Variants in PRKCH observed in about 807,000 individuals in gnomAD.
PRKCH encodes the protein protein kinase C eta, also known as protein kinase C eta type.
Under a neutral mutation model 82.5 loss-of-function variants are expected in PRKCH, and 28 were observed. That is an observed-to-expected ratio of 0.34 (90% CI 0.25 to 0.47). PRKCH has a LOEUF of 0.47. PRKCH is among the 20% of genes least tolerant of loss of function. The pLI, the probability that PRKCH is intolerant of heterozygous loss-of-function variation, is 1.00. For synonymous variants in PRKCH, 322 were observed against 327.4 expected (o/e 0.98, Z 0.18); for missense variants, 705 against 881.8 (o/e 0.80, Z 2.54).
chr14:61,437,308 G>A (rs1883725785), intron 2 of PRKCH, among the ~76,000 whole-genome samples: 1 of 152,112 alleles, frequency 6.6e-6, no homozygotes, highest in Non-Finnish European at 1.5e-5. Context: ...GCAAAATTCT[G>A]TTGCTACCTT....
At chr14:61,461,279 A>G (rs1007885416) in intron 9 of PRKCH, among the ~76,000 whole-genome samples, 4 of 152,162 alleles carry the variant, frequency 2.6e-5, no homozygotes, top group South Asian at 2.1e-4. Flanking sequence ...CACTTTGCCA[A>G]CGTAAAGCCC....
At position 61,365,401 on chromosome 14, in the gene PRKCH, A is replaced by G. The variant is rs531024255; in HGVS notation, c.364-25824A>G. ...TTTACACTTTTCAAAGTCATTTCAT[A>G]ATGTTTGCTATTCAGTTTAGTTTAG... On this transcript the variant is annotated intron_variant, in intron 1 of 13. Transcript: ENST00000332981. 1.7e-3 allele frequency among the ~76,000 whole-genome samples: 263 copies of G among 152,220 alleles called. 3 individuals are homozygous for G. The highest frequency in any genetic ancestry group is 3.4e-3 in the Middle Eastern group (1 of 294).
At chr14:61,350,198 C>A (rs2046052852) in intron 1 of PRKCH, among the ~76,000 whole-genome samples, 1 of 152,150 alleles carries the variant, frequency 6.6e-6, no homozygotes, top group Non-Finnish European at 1.5e-5. Flanking sequence ...CTCCACGTCT[C>A]CTCCCCTCTC....
intron 1 of PRKCH, among the ~76,000 whole-genome samples, chr14:61,274,293 G>T (rs2140087832): frequency 6.6e-6 from 1 of 152,218 alleles, no homozygotes; most frequent in East Asian, 1.9e-4. Context: ...TGGGGTGTTG[G>T]AGGAAAAGTG....
intron 1 of PRKCH, among the ~76,000 whole-genome samples, chr14:61,333,054 G>A (rs11844104): frequency 0.022 from 3,324 of 152,276 alleles, 135 homozygotes; most frequent in African/African-American, 0.076. Flanking sequence ...TTTGGGAAGC[G>A]CACCCAAAAG....
At chr14:61,509,487 CT>C (rs59975736) in intron 10 of PRKCH, among the ~76,000 whole-genome samples, 4,882 of 152,178 alleles carry the variant, frequency 0.032, 257 homozygotes, top group African/African-American at 0.11. Context: ...AGGATTTAGT[CT>C]ACTGGGAATT....
At chr14:61,198,484 G>T (rs1265400033) in intron 1 of PRKCH, among the ~76,000 whole-genome samples, 1 of 152,064 alleles carries the variant, frequency 6.6e-6, no homozygotes, top group African/African-American at 2.4e-5. Context: ...TCCCCTAAGT[G>T]GAATTATTGA....
At chr14:61,459,542 A>G (rs537302200) in intron 9 of PRKCH, among the ~76,000 whole-genome samples, 21 of 152,336 alleles carry the variant, frequency 1.4e-4, no homozygotes, top group African/African-American at 5.1e-4. Flanking sequence ...GGCTGTGTTA[A>G]GGGGTTTGGG....
chr14:61,202,051 A>G (rs2044485776), intron 1 of PRKCH, among the ~76,000 whole-genome samples: 1 of 152,212 alleles, frequency 6.6e-6, no homozygotes, highest in Admixed American at 6.5e-5. Context: ...ATCTACATCT[A>G]GGTTTCCATC....
chr14:61,472,730 A>G (rs911176062), intron 9 of PRKCH, among the ~76,000 whole-genome samples: 1 of 152,240 alleles, frequency 6.6e-6, no homozygotes, highest in Non-Finnish European at 1.5e-5. Flanking sequence ...AAAACAACAA[A>G]ACAAAAAGTA....
intron 1 of PRKCH, among the ~76,000 whole-genome samples, chr14:61,273,169 A>G (rs148195385): frequency 4.6e-5 from 7 of 152,210 alleles, no homozygotes; most frequent in Non-Finnish European, 8.8e-5. Context: ...GACTAAACAT[A>G]ATTCATTCAT....
chr14:61,352,700 A>AAGAAAGAG (rs2140150840), intron 1 of PRKCH, among the ~76,000 whole-genome samples: 1 of 134,514 alleles, frequency 7.4e-6, no homozygotes, highest in East Asian at 2.7e-4. Flanking sequence ...GAAAGAAAGA[A>AAGAAAGAG]AGAAAGAAAG....
chr14:61,452,531 G>A (rs989772490), intron 6 of PRKCH, among the ~76,000 whole-genome samples: 6 of 152,158 alleles, frequency 3.9e-5, no homozygotes, highest in African/African-American at 1.4e-4. Flanking sequence ...GGCAGCTTCC[G>A]GTGCCTCAGG....
chr14:61,236,179 G>A (rs2044786360), intron 1 of PRKCH, among the ~76,000 whole-genome samples: 2 of 152,142 alleles, frequency 1.3e-5, no homozygotes, highest in Non-Finnish European at 2.9e-5. Context: ...AGACCAGCCT[G>A]GCCAACATGG....
chr14:61,502,861 G>C (rs181998420), intron 10 of PRKCH, among the ~76,000 whole-genome samples: 15 of 152,186 alleles, frequency 9.9e-5, no homozygotes, highest in African/African-American at 3.6e-4. Context: ...CTTTGACAAA[G>C]AAATGGGGCC....
At position 61,280,479 on chromosome 14, in the gene PRKCH, C is replaced by T. The variant is rs147819638; in HGVS notation, c.-19+92811C>T. The T allele has an allele frequency of 1.9e-6, 3 of 1,613,200 alleles. No homozygotes were observed. The highest frequency in any genetic ancestry group is 2.5e-6 in the Non-Finnish European group (3 of 1,179,662). On this transcript the variant is annotated intron_variant, in intron 1 of 3. Coordinates refer to the PRKCH transcript ENST00000555185. This position sits in a 1 kb window ranked among gnomAD's most constrained non-coding sequence, Gnocchi z 5.0. ...GCCGGCGCCAGTTGGGCGGGGGCGC[C>T]GTGCCCTGGAAGGCCAACGCCAGGC...
chr14:61,301,392 C>G (rs2045446277), intron 1 of PRKCH, among the ~76,000 whole-genome samples: 2 of 152,166 alleles, frequency 1.3e-5, no homozygotes, highest in Non-Finnish European at 2.9e-5. Flanking sequence ...ATATGTTTTG[C>G]ATTTTAGCAT....
At chr14:61,234,715 C>T (rs2044773440) in intron 1 of PRKCH, among the ~76,000 whole-genome samples, 1 of 152,216 alleles carries the variant, frequency 6.6e-6, no homozygotes, top group Non-Finnish European at 1.5e-5. Context: ...ATCATCTGTT[C>T]TGGTTTTTTA....
intron 1 of PRKCH, among the ~76,000 whole-genome samples, chr14:61,315,681 T>C (rs1339495683): frequency 6.6e-6 from 1 of 152,212 alleles, no homozygotes; most frequent in Non-Finnish European, 1.5e-5. Flanking sequence ...CTTTATCCTT[T>C]TGTATACATA....
Sources: gnomAD v4.1 joint callset for allele counts (sites outside exome capture counted in the v4.1 genomes callset) on GRCh38, gnomAD v4.1.1 for gene constraint, Gnocchi (gnomAD v3.1) non-coding constraint, MANE v1.5 for transcripts, NCBI Gene and HGNC (gene_info 2026-07-23, HGNC 2026-07-21) for gene names.